Variants in ZUP1 observed in about 807,000 individuals in gnomAD.
ZUP1 encodes zinc finger-containing ubiquitin peptidase 1.
In ZUP1, 55 loss-of-function variants were observed where a neutral mutation model predicts 68.1. That is an observed-to-expected ratio of 0.81 (90% CI 0.65 to 1.01). The LOEUF (loss-of-function observed/expected upper bound fraction) is 1.01, where lower values mean the gene tolerates loss of function less well. ZUP1 is among the 50% of genes least tolerant of loss of function. The probability of loss-of-function intolerance (pLI) is 0.00; values close to 1 mark genes in which losing one functional copy is unlikely to be tolerated. For missense variants in ZUP1, 684 were observed against 674.9 expected, an observed-to-expected ratio of 1.01 and a Z score of -0.15; for synonymous variants, 223 against 221.5, an observed-to-expected ratio of 1.01 and a Z score of -0.06.
rs1408359333 is a variant in ZUP1, at chr6:116,645,721, T to G, written c.1682A>C (p.Glu561Ala). The G allele has an allele frequency of 1.2e-6, 2 of 1,602,306 alleles. No homozygotes were observed. Among genetic ancestry groups the G allele is most frequent in the African/African-American group, 2.7e-5 (2 of 74,244 alleles). The change falls in exon 9 of 10, where the codon GAG becomes GCG. Residue 561 changes from glutamate (E) to alanine (A), a missense_variant. Glu to Ala is a moderately radical substitution (Grantham distance 107, BLOSUM62 -1). Transcript: ENST00000368576. Reference sequence around the variant, plus strand: ...AAATATTTAGATACTTACAAGTTTCTCCTCTAGAGAAAGAGCACCCTCTAC... The same window carrying G: ...AAATATTTAGATACTTACAAGTTTCGCCTCTAGAGAAAGAGCACCCTCTAC... ...LAVEGALSLE[E>A]KLARRQASQV...
In ZUP1 at chr6:116,652,103, A is replaced by C; in HGVS notation, c.1051T>G (p.Ser351Ala). 1 of 1,614,048 alleles carries C rather than the reference A, an allele frequency of 6.2e-7. No individual in the cohort carries two copies. Among genetic ancestry groups the C allele is most frequent in the Non-Finnish European group, 8.5e-7 (1 of 1,179,924 alleles). Residue 351 changes from serine to alanine, a missense_variant, in exon 6 of 10, where the codon TCA becomes GCA. By Grantham distance (99) the Ser-to-Ala change is moderately conservative. Coordinates refer to ENST00000368576, the MANE Select transcript of ZUP1 (RefSeq NM_145062.3). The stretch of plus-strand genomic sequence containing the variant: ...CCCCAACCTTTGTCGCCTAAAGATG[A>C]ATGAAAGTGATCCACCACTGAAGAA... ...WLSSVVDHFH[S>A]SLGDKGWGCG...
Position 116,647,534 on chromosome 6 carries a change from A to C in ZUP1, c.1393T>G (p.Tyr465Asp). ...HPRLFEWILN[Y>D]YSSEGEGSPK... ...CTCCCTTCTCCCTCTGAAGAATAAT[A>C]GTTCAATATCCATTCAAATAAGCGA... The change falls in exon 8 of 10, where the codon TAT becomes GAT. Residue 465 changes from tyrosine to aspartate, a missense_variant. Tyr to Asp is a radical substitution (Grantham distance 160). Coordinates refer to ENST00000368576, the MANE Select transcript of ZUP1 (RefSeq NM_145062.3). The C allele has an allele frequency of 6.2e-7, 1 of 1,602,962 alleles. No homozygotes were observed. The highest frequency in any genetic ancestry group is 1.1e-5 in the South Asian group (1 of 89,504).
chr6:116,645,650 T>A, intron 9 of ZUP1, 64 bp downstream of exon 9: 5 of 1,160,340 alleles, frequency 4.3e-6, no homozygotes, highest in Non-Finnish European at 6.1e-6. Flanking sequence ...GATTTTAAAC[T>A]AAAAGTTTTA....
In ZUP1 at chr6:116,660,859, T is replaced by C. The variant is rs1200876462; in HGVS notation, c.560-13A>G. The C allele has an allele frequency of 5.9e-6, 8 of 1,359,648 alleles. No homozygotes were observed. The highest frequency in any genetic ancestry group is 7.1e-6 in the Non-Finnish European group (7 of 982,510). 84.2% of individuals were successfully genotyped at this position (1,359,648 alleles called of 1,614,324 possible). On this transcript the variant is annotated splice_polypyrimidine_tract_variant and intron_variant, in intron 2 of 9. Transcript: ENST00000368576. ...GGTTGATCACAGTCTGTATCAGAGA[T>C]ATAATTAAGTTGTTTTTATTTTTTT...
intron 4 of ZUP1, 47 bp downstream of exon 4, chr6:116,658,756 A>G: frequency 6.7e-7 from 1 of 1,494,418 alleles, no homozygotes; most frequent in Non-Finnish European, 9.0e-7. Flanking sequence ...TATTTGAAAA[A>G]TAACTTTACC....
rs140797289 is a variant in ZUP1, at chr6:116,666,798, C to T, written c.395G>A (p.Ser132Asn). Residue 132 changes from serine to asparagine, a missense_variant, in exon 2 of 10, where the codon AGT (serine) becomes AAT (asparagine). Transcript: ENST00000368576. Reference sequence around the variant, plus strand: ...GGTCAGGCTGGACTGTTTTTCCCTACTTTTCAGGAATTTTCTAGATTCAGT... The same window carrying T: ...GGTCAGGCTGGACTGTTTTTCCCTATTTTTCAGGAATTTTCTAGATTCAGT... ...NLTESRKFLK[S>N]REKQSSLTEI... is the part of the protein sequence containing the mutation. The T allele has an allele frequency of 9.7e-4, 1,573 of 1,613,474 alleles. 7 individuals are homozygous for T. Among genetic ancestry groups the T allele is most frequent in the Middle Eastern group, 3.3e-3 (20 of 6,056 alleles).
chr6:116,666,398 C>T (rs1777010564), intron 2 of ZUP1, among the ~76,000 whole-genome samples: 1 of 152,190 alleles, frequency 6.6e-6, no homozygotes, highest in Non-Finnish European at 1.5e-5. Flanking sequence ...CCTCTGGAAA[C>T]TAGACAGAAA....
chr6:116,635,649 TAATTTAC>T lies in ZUP1; in HGVS notation c.*176_*182del. The T allele has an allele frequency of 2.2e-6, 1 of 451,494 alleles. No homozygotes were observed. The highest frequency in any genetic ancestry group is 5.9e-5 in the South Asian group (1 of 16,976). 28.0% of individuals were successfully genotyped at this position (451,494 alleles called of 1,614,324 possible). ...GCAAAAACAAGACATTTTATTGAAA[TAATTTAC>T]CAAACAATGAAGTATGATAGGTATA... is the stretch of plus-strand genomic sequence containing the variant. On this transcript the variant is annotated 3_prime_UTR_variant, in exon 10 of 10. Transcript: ENST00000368576.
intron 7 of ZUP1, among the ~76,000 whole-genome samples, chr6:116,648,296 A>G (rs1776377605): frequency 6.6e-6 from 1 of 152,240 alleles, no homozygotes; most frequent in African/African-American, 2.4e-5. Context: ...GTCGGGTATA[A>G]CTAAAAGCAT....
intron 7 of ZUP1, among the ~76,000 whole-genome samples, chr6:116,650,102 T>A (rs1383101518): frequency 2.0e-5 from 3 of 152,002 alleles, no homozygotes; most frequent in African/African-American, 7.2e-5. Context: ...CAAAGATTTT[T>A]AAAAAAGAGA....
intron 9 of ZUP1, among the ~76,000 whole-genome samples, chr6:116,638,700 G>C (rs988902775): frequency 1.3e-5 from 2 of 152,176 alleles, no homozygotes; most frequent in African/African-American, 2.4e-5. Flanking sequence ...TTTTGGAGGA[G>C]GAGGAGCCAA....
chr6:116,666,925 T>C lies in ZUP1; in HGVS notation c.268A>G (p.Ser90Gly), dbSNP rs1777028148. Residue 90 changes from serine to glycine, a missense_variant, in exon 2 of 10, where the codon AGT becomes GGT. Physicochemically the swap from Ser to Gly is moderately conservative, Grantham distance 56. Coordinates refer to ENST00000368576, the MANE Select transcript of ZUP1 (RefSeq NM_145062.3). ...TTAGATGCACAACCTGAAAGAATAC[T>C]TGAATTAACTTCCATTCCACACTGT... ...TLQCGMEVNS[S>G]ILSGCASNHP... The C allele has an allele frequency of 1.9e-6, 3 of 1,613,096 alleles. No individual in the cohort carries two copies. Among genetic ancestry groups the C allele is most frequent in the African/African-American group, 1.3e-5 (1 of 74,884 alleles).
In ZUP1 at chr6:116,663,808, G is replaced by A. The variant is rs1451535394; in HGVS notation, c.559+2826C>T. Among the ~76,000 whole-genome samples, 6 of 151,854 alleles carry A rather than the reference G, an allele frequency of 4.0e-5. No homozygotes were observed. In the East Asian group the frequency reaches 7.7e-4, roughly 20 times the overall value. On this transcript the variant is annotated intron_variant, in intron 2 of 9. Transcript: ENST00000368576. Reference sequence around the variant, plus strand: ...ATTAAAAAAAAAAAATTAGCTGGGCGTGGTGGTGCAGGCCTGTAGTCCCAG... The same window carrying A: ...ATTAAAAAAAAAAAATTAGCTGGGCATGGTGGTGCAGGCCTGTAGTCCCAG...
rs1244661238 is a variant in ZUP1, at chr6:116,635,853, A to G, written c.1716T>C (p.Phe572=). 1.9e-6 allele frequency: 3 copies of G among 1,600,268 alleles called. No homozygotes were observed. Among genetic ancestry groups the G allele is most frequent in the South Asian group, 1.1e-5 (1 of 87,182 alleles). The change falls in exon 10 of 10, where the codon TTT becomes TTC. Residue 572 remains phenylalanine (F), a synonymous_variant. Transcript: ENST00000368576. ...KLARRQASQV[F]TAEKIP The stretch of plus-strand genomic sequence containing the variant: ...TTCTTCAAGGAATCTTCTCGGCTGT[A>G]AAGACTTGAGAAGCTTGTCTCCTGG...
Position 116,647,551 on chromosome 6 carries a change from A to G in ZUP1, c.1376T>C (p.Phe459Ser), listed in dbSNP as rs1562403023. The stretch of plus-strand genomic sequence containing the variant: ...AGAATAATAGTTCAATATCCATTCA[A>G]ATAAGCGAGGGTGTGTACCCAAAGG... Reference protein sequence around the residue: ...TGPLGTHPRLFEWILNYYSSE... With the variant: ...TGPLGTHPRLSEWILNYYSSE... Residue 459 changes from phenylalanine to serine, a missense_variant, in exon 8 of 10, where the codon TTT (phenylalanine) becomes TCT (serine). Transcript: ENST00000368576. The G allele has an allele frequency of 1.2e-6, 2 of 1,601,688 alleles. No individual in the cohort carries two copies. Among genetic ancestry groups the G allele is most frequent in the Non-Finnish European group, 1.7e-6 (2 of 1,171,376 alleles).
intron 2 of ZUP1, 30 bp from the exon 3 acceptor site, chr6:116,660,876 T>A (rs13213304): frequency 7.9e-7 from 1 of 1,258,176 alleles, no homozygotes; most frequent in East Asian, 2.6e-5. Context: ...AAGTTGTTTT[T>A]ATTTTTTTAT....
At chr6:116,647,729 T>C in intron 7 of ZUP1, 119 bp from the exon 8 acceptor site, 2 of 747,082 alleles carry the variant, frequency 2.7e-6, no homozygotes, top group Non-Finnish European at 3.7e-6. Flanking sequence ...ATTACTTTCC[T>C]ATAAAAGAAG....
At chr6:116,646,561 C>T (rs748887994) in intron 8 of ZUP1, among the ~76,000 whole-genome samples, 66 of 152,222 alleles carry the variant, frequency 4.3e-4, no homozygotes, top group African/African-American at 1.5e-3. Flanking sequence ...AAAATGCCAG[C>T]GGTGGGATGC....
At position 116,658,898 on chromosome 6, in the gene ZUP1, C is replaced by T; in HGVS notation, c.697G>A (p.Asp233Asn). ...TGAAGCTGGTGAGCCAATTGTAGAT[C>T]ACCAGAACACTGGACTCTATCCATG... Reference protein sequence around the residue: ...QGMDRVQCSGDLQLAHQLQQE... With the variant: ...QGMDRVQCSGNLQLAHQLQQE... The change falls in exon 4 of 10, where the codon GAT becomes AAT. Residue 233 changes from aspartate to asparagine, a missense_variant. Transcript: ENST00000368576. 1 of 1,611,998 alleles carries T rather than the reference C, an allele frequency of 6.2e-7. No individual in the cohort carries two copies. The highest frequency in any genetic ancestry group is 8.5e-7 in the Non-Finnish European group (1 of 1,179,514).
Sources: gnomAD v4.1 joint callset for allele counts (sites outside exome capture counted in the v4.1 genomes callset) on GRCh38, gnomAD v4.1.1 for gene constraint, MANE v1.5 for transcripts, NCBI Gene and HGNC (gene_info 2026-07-23, HGNC 2026-07-21) for gene names.